SLC37A1: variants seen among roughly 807,000 people sequenced by gnomAD.
SLC37A1 encodes the protein glucose-6-phosphate exchanger SLC37A1.
SLC37A1 carries 49 observed loss-of-function variants against 75.3 expected under a neutral mutation model. That is an observed-to-expected ratio of 0.65 (90% CI 0.52 to 0.83). SLC37A1 has a LOEUF of 0.83. Ranked by LOEUF, SLC37A1 falls within the 40% of genes least tolerant of loss-of-function variation. The pLI is 0.00. For missense variants in SLC37A1, 566 were observed against 695.0 expected, an observed-to-expected ratio of 0.81 and a Z score of 2.09; for synonymous variants, 268 against 292.1, an observed-to-expected ratio of 0.92 and a Z score of 0.84.
chr21:42,559,107 G>A lies in SLC37A1; in HGVS notation c.981+18G>A, dbSNP rs780303458. On this transcript the variant is annotated intron_variant, in intron 11 of 19. Coordinates refer to ENST00000352133, the MANE Select transcript of SLC37A1 (RefSeq NM_001320537.2). ...AAATTCCAGTAAGTAAACGTGCCCA[G>A]GAGGAGTTTCAGAAAGGGCTGCTGT... The A allele has an allele frequency of 3.7e-6, 6 of 1,604,152 alleles. 1 individual carries two copies. The South Asian group carries it at 6.7e-5, about 18-fold the overall frequency.
At chr21:42,505,648 T>G (rs931824191) in intron 2 of SLC37A1, among the ~76,000 whole-genome samples, 1 of 152,118 alleles carries the variant, frequency 6.6e-6, no homozygotes, top group Admixed American at 6.6e-5. Context: ...AAGCTTCAAC[T>G]CTACAGCAGA....
At chr21:42,535,393 C>T (rs1001571607) in intron 4 of SLC37A1, 79 bp from the exon 5 acceptor site, 2 of 1,253,994 alleles carry the variant, frequency 1.6e-6, no homozygotes, top group Non-Finnish European at 2.3e-6. Flanking sequence ...GGAACAGATG[C>T]TTTGTGTTTT....
chr21:42,535,385 AACAGAT>A, intron 4 of SLC37A1, 81 bp from the exon 5 acceptor site: 2 of 1,173,690 alleles, frequency 1.7e-6, no homozygotes, highest in Non-Finnish European at 2.5e-6. Flanking sequence ...CGATTTCGGG[AACAGAT>A]GCTTTGTGTT....
chr21:42,518,635 T>C, intron 2 of SLC37A1, 125 bp downstream of exon 2: 2 of 1,100,166 alleles, frequency 1.8e-6, no homozygotes, highest in Non-Finnish European at 2.7e-6. Context: ...ACCTCACCCA[T>C]AACCGTTGAA....
chr21:42,535,625 G>A (rs112341452), intron 5 of SLC37A1, 75 bp downstream of exon 5: 19,108 of 1,336,180 alleles, frequency 0.014, 183 homozygotes, highest in Middle Eastern at 0.054. Flanking sequence ...CCGCTATGCT[G>A]AAGTGCACAG....
At chr21:42,503,147 A>G (rs1017851010) in intron 2 of SLC37A1, among the ~76,000 whole-genome samples, 1 of 152,190 alleles carries the variant, frequency 6.6e-6, no homozygotes, top group Non-Finnish European at 1.5e-5. Context: ...TTAAGGATAT[A>G]CCAAAATTAT....
chr21:42,538,804 C>T (rs921908354), intron 5 of SLC37A1, among the ~76,000 whole-genome samples: 2 of 152,162 alleles, frequency 1.3e-5, no homozygotes, highest in African/African-American at 4.8e-5. Context: ...TTTAGTGAGG[C>T]GCTAAGCATC....
Position 42,569,303 on chromosome 21 carries a change from G to T in SLC37A1, c.1423+865G>T, listed in dbSNP as rs567957110. ...TTGTTCTTGGCTGCCCCTGGCCTTGGTGCCAGCAGGCTGGAAACATCACAG... is the reference window on the plus strand; with the variant it reads ...TTGTTCTTGGCTGCCCCTGGCCTTGTTGCCAGCAGGCTGGAAACATCACAG... On this transcript the variant is annotated intron_variant, in intron 17 of 19. Coordinates refer to ENST00000352133, the MANE Select transcript of SLC37A1 (RefSeq NM_001320537.2). Among the ~76,000 whole-genome samples the T allele has an allele frequency of 2.0e-5, 3 of 152,324 alleles. No individual in the cohort carries two copies. In the South Asian group the frequency reaches 6.2e-4, roughly 32 times the overall value.
chr21:42,574,788 C>T, intron 17 of SLC37A1, 30 bp from the exon 18 acceptor site: 1 of 1,611,500 alleles, frequency 6.2e-7, no homozygotes, highest in South Asian at 1.1e-5. Context: ...CTCTAAACAG[C>T]ACCATGTGTG....
chr21:42,580,307 G>A (rs760170176), intron 19 of SLC37A1, 38 bp from the exon 20 acceptor site: 5 of 1,607,222 alleles, frequency 3.1e-6, no homozygotes, highest in Non-Finnish European at 4.2e-6. Flanking sequence ...AGCCACTGCT[G>A]GCTGTTAGAG....
intron 2 of SLC37A1, among the ~76,000 whole-genome samples, chr21:42,506,783 C>CT (rs923103347): frequency 4.3e-4 from 65 of 151,340 alleles, no homozygotes; most frequent in Middle Eastern, 6.8e-3. Context: ...AGTCCCATGC[C>CT]TTTTTTTTTG....
In SLC37A1 at chr21:42,529,606, A is replaced by G. The variant is rs375162908; in HGVS notation, c.138+3749A>G. Among the ~76,000 whole-genome samples, 15 of 152,328 alleles carry G rather than the reference A, an allele frequency of 9.8e-5. 4 individuals carry two copies. The highest frequency in any genetic ancestry group is 1.9e-4 in the East Asian group (1 of 5,190). Reference sequence around the variant, plus strand: ...TAAAGACATGAATGTAAAATACAAAAAGTACAAATCCAAGAAGAAAATTAT... The same window carrying G: ...TAAAGACATGAATGTAAAATACAAAGAGTACAAATCCAAGAAGAAAATTAT... On this transcript the variant is annotated intron_variant, in intron 3 of 19. Coordinates refer to ENST00000352133, the MANE Select transcript of SLC37A1 (RefSeq NM_001320537.2).
At chr21:42,546,191 C>T (rs542189652) in intron 8 of SLC37A1, among the ~76,000 whole-genome samples, 2 of 152,280 alleles carry the variant, frequency 1.3e-5, no homozygotes, top group South Asian at 2.1e-4. Context: ...GCTGGTTTCC[C>T]GCAGCACCTA....
intron 5 of SLC37A1, 150 bp downstream of exon 5, chr21:42,535,700 C>T: frequency 1.2e-5 from 8 of 690,388 alleles, no homozygotes; most frequent in Non-Finnish European, 2.6e-6. Context: ...AAAGACGAGG[C>T]CAAGCTTAGG....
rs1469062806 is a variant in SLC37A1 at position 42,514,351 on chromosome 21, C to G, written c.-545C>G. 4 of 152,016 alleles carry G rather than the reference C, an allele frequency of 2.6e-5. No homozygotes were observed. The highest frequency in any genetic ancestry group is 5.9e-5 in the Non-Finnish European group (4 of 68,014). 9.4% of individuals were successfully genotyped at this position (152,016 alleles called of 1,614,324 possible). Reference sequence around the variant, plus strand: ...CGAGCTTAGCTGTCCAGCCGGGTCCCCTGCCCACCCCGGCCCGGGCCGCGG... The same window carrying G: ...CGAGCTTAGCTGTCCAGCCGGGTCCGCTGCCCACCCCGGCCCGGGCCGCGG... On this transcript the variant is annotated 5_prime_UTR_variant, in exon 1 of 20. Transcript: ENST00000352133. The surrounding 1 kb of genome is among the most constrained non-coding windows in gnomAD (Gnocchi z 4.8).
rs761808915 is a variant in SLC37A1, at chr21:42,568,377, G to A, written c.1362G>A (p.Leu454=). The change falls in exon 17 of 20, where the codon CTG becomes CTA. Residue 454 remains leucine, a synonymous_variant. Coordinates refer to ENST00000352133, the MANE Select transcript of SLC37A1 (RefSeq NM_001320537.2). Reference sequence around the variant, plus strand: ...TCTTCTAGGGGACTCATAAAAGTCTGAAAGGCAACGCGCACGCCCTCTCCA... The same window carrying A: ...TCTTCTAGGGGACTCATAAAAGTCTAAAAGGCAACGCGCACGCCCTCTCCA... The part of the protein sequence containing the change: ...VSADLGTHKS[L]KGNAHALSTV... 6.2e-7 allele frequency: 1 copy of A among 1,614,118 alleles called. No homozygotes were observed.
At chr21:42,505,015 C>T (rs886315219) in intron 2 of SLC37A1, among the ~76,000 whole-genome samples, 2 of 152,152 alleles carry the variant, frequency 1.3e-5, no homozygotes, top group African/African-American at 4.8e-5. Context: ...CTGCTTCTTC[C>T]TTAGTCAGGA....
At chr21:42,565,741 G>A (rs980113097) in intron 14 of SLC37A1, 86 bp from the exon 15 acceptor site, 18 of 1,283,062 alleles carry the variant, frequency 1.4e-5, no homozygotes, top group South Asian at 4.9e-5. Flanking sequence ...AGAATCACCC[G>A]CCGGGTTTTT....
At position 42,565,765 on chromosome 21, in the gene SLC37A1, C is replaced by A. The variant is rs866687466; in HGVS notation, c.1222-62C>A. Reference sequence around the variant, plus strand: ...CGCCGGGTTTTTGAGAAGTAGATTTCCAGCAATCTCGCACTGCTTGCAGCC... The same window carrying A: ...CGCCGGGTTTTTGAGAAGTAGATTTACAGCAATCTCGCACTGCTTGCAGCC... On this transcript the variant is annotated intron_variant, in intron 14 of 19. Transcript: ENST00000352133. 473 of 1,483,204 alleles carry A rather than the reference C, an allele frequency of 3.2e-4. 2 individuals are homozygous for A. In the Middle Eastern group the frequency reaches 4.9e-3, roughly 15 times the overall value. 91.9% of individuals were successfully genotyped at this position (1,483,204 alleles called of 1,614,324 possible).
Sources: gnomAD v4.1 joint callset for allele counts (sites outside exome capture counted in the v4.1 genomes callset) on GRCh38, gnomAD v4.1.1 for gene constraint, Gnocchi (gnomAD v3.1) non-coding constraint, MANE v1.5 for transcripts, NCBI Gene and HGNC (gene_info 2026-07-23, HGNC 2026-07-21) for gene names.